MLLT3: variants seen among roughly 807,000 people sequenced by gnomAD.
The protein encoded by MLLT3 is protein AF-9.
MLLT3 carries 4 observed loss-of-function variants against 53.2 expected under a neutral mutation model. The ratio of observed to expected loss-of-function variants is 0.08; its 90% CI spans 0.04 to 0.17. MLLT3 has a LOEUF of 0.17. MLLT3 is among the 10% of genes least tolerant of loss of function. The probability of loss-of-function intolerance (pLI) is 1.00; values close to 1 mark genes in which losing one functional copy is unlikely to be tolerated. For synonymous variants in MLLT3, 283 were observed against 230.6 expected, an observed-to-expected ratio of 1.23 and a Z score of -2.06; for missense variants, 569 against 684.0, an observed-to-expected ratio of 0.83 and a Z score of 1.87.
intron 2 of MLLT3, among the ~76,000 whole-genome samples, chr9:20,539,869 C>T (rs1818581231): frequency 6.6e-6 from 1 of 152,180 alleles, no homozygotes; most frequent in Non-Finnish European, 1.5e-5. Flanking sequence ...CAAGTCCCTT[C>T]CACATAAGGA....
rs550200903 is a variant in MLLT3, at chr9:20,351,411, G to T, written c.1575+2114C>A. ...TTTCCAAATAAATGTGGAACATGTG[G>T]TTTAAAGAGCAATCAAATTATTCAT... On this transcript the variant is annotated intron_variant, in intron 10 of 10. Coordinates refer to ENST00000380338, the MANE Select transcript of MLLT3 (RefSeq NM_004529.4). 1.2e-4 allele frequency among the ~76,000 whole-genome samples: 19 copies of T among 152,296 alleles called. No homozygotes were observed. In the East Asian group the frequency reaches 3.3e-3, roughly 26 times the overall value.
chr9:20,352,775 A>G (rs1563932919), intron 10 of MLLT3, among the ~76,000 whole-genome samples: 1 of 151,406 alleles, frequency 6.6e-6, no homozygotes, highest in African/African-American at 2.4e-5. Context: ...AGTCATTTGA[A>G]AGTAGTAAAA....
intron 5 of MLLT3, among the ~76,000 whole-genome samples, chr9:20,392,200 AT>A (rs921853311): frequency 2.8e-4 from 43 of 152,296 alleles, no homozygotes; most frequent in Admixed American, 2.4e-3. Context: ...AATAAAGATA[AT>A]TACTATGTGT....
In MLLT3 at chr9:20,355,116, A is replaced by AAAAAC. The variant is rs1491008938; in HGVS notation, c.1432-238_1432-237insGTTTT. Among the ~76,000 whole-genome samples the AAAAAC allele has an allele frequency of 5.3e-5, 8 of 151,808 alleles. No homozygotes were observed. The South Asian group carries it at 8.3e-4, about 16-fold the overall frequency. ...GAACTAAAAAAAAAAAAAAAAAAAA[A>AAAAAC]ACAACACAGTTGATGATAAGGAAAT... On this transcript the variant is annotated intron_variant, in intron 8 of 10. Transcript: ENST00000380338.
At chr9:20,502,671 T>C (rs1825276577) in intron 2 of MLLT3, among the ~76,000 whole-genome samples, 1 of 152,192 alleles carries the variant, frequency 6.6e-6, no homozygotes, top group African/African-American at 2.4e-5. Context: ...AGAATGTGCA[T>C]AGGTTATATG....
At chr9:20,566,000 TTATA>T (rs1185292821) in intron 2 of MLLT3, among the ~76,000 whole-genome samples, 1 of 131,514 alleles carries the variant, frequency 7.6e-6, no homozygotes, top group African/African-American at 2.9e-5. Context: ...ATATATTTAT[TTATA>T]TATATATTTT....
intron 2 of MLLT3, among the ~76,000 whole-genome samples, chr9:20,594,164 C>A (rs1208046521): frequency 1.3e-5 from 2 of 152,102 alleles, no homozygotes; most frequent in Non-Finnish European, 2.9e-5. Context: ...TGGTCTCGAA[C>A]TCCTGACCTC....
chr9:20,553,762 T>A (rs1225812181), intron 2 of MLLT3, among the ~76,000 whole-genome samples: 1 of 152,144 alleles, frequency 6.6e-6, no homozygotes, highest in Admixed American at 6.5e-5. Context: ...GGAGCTTGAA[T>A]ATGTAACTAA....
At chr9:20,378,202 T>C (rs576136991) in intron 5 of MLLT3, among the ~76,000 whole-genome samples, 83 of 152,218 alleles carry the variant, frequency 5.5e-4, no homozygotes, top group African/African-American at 1.8e-3. Flanking sequence ...ACATAATATG[T>C]TGGCTTACTA....
intron 4 of MLLT3, among the ~76,000 whole-genome samples, chr9:20,432,145 C>T (rs1218842714): frequency 6.6e-6 from 1 of 152,140 alleles, no homozygotes; most frequent in Non-Finnish European, 1.5e-5. Context: ...TCAGCAGATA[C>T]TTATTTATTA....
chr9:20,447,474 T>A (rs1823733912), intron 4 of MLLT3, among the ~76,000 whole-genome samples: 1 of 152,156 alleles, frequency 6.6e-6, no homozygotes, highest in African/African-American at 2.4e-5. Flanking sequence ...TCAATAGTGT[T>A]TGTACAGCTG....
At chr9:20,604,060 A>C (rs2131200815) in intron 2 of MLLT3, among the ~76,000 whole-genome samples, 1 of 152,232 alleles carries the variant, frequency 6.6e-6, no homozygotes, top group South Asian at 2.1e-4. Context: ...CTCAGGGCAA[A>C]CACACTGATT....
chr9:20,427,690 G>T (rs144473854), intron 4 of MLLT3, among the ~76,000 whole-genome samples: 4 of 151,920 alleles, frequency 2.6e-5, no homozygotes, highest in African/African-American at 4.8e-5. Flanking sequence ...TATAAAGACA[G>T]TAAGAAACAA....
chr9:20,439,718 A>G (rs1166787753), intron 4 of MLLT3, among the ~76,000 whole-genome samples: 2 of 152,160 alleles, frequency 1.3e-5, no homozygotes, highest in Non-Finnish European at 2.9e-5. Context: ...TATGTTTAAA[A>G]TCTATGCGTT....
rs1001742144 is a variant in MLLT3 at position 20,342,834 on chromosome 9, G to A, written c.*3609C>T. 4 of 166,684 alleles carry A rather than the reference G, an allele frequency of 2.4e-5. No homozygotes were observed. Among genetic ancestry groups the A allele is most frequent in the East Asian group, 1.2e-4 (1 of 8,604 alleles). 10.3% of individuals were successfully genotyped at this position (166,684 alleles called of 1,614,324 possible). A position where few individuals can be genotyped will look rare whatever the true frequency, so the allele number is the denominator to read the frequency against. On this transcript the variant is annotated 3_prime_UTR_variant, in exon 11 of 11. Coordinates refer to ENST00000380338, the MANE Select transcript of MLLT3 (RefSeq NM_004529.4). The stretch of plus-strand genomic sequence containing the variant: ...AAGATTACTCTGATAATATATATGT[G>A]TATATATATATATATATGTATATAT...
chr9:20,464,679 T>C (rs926182056), intron 2 of MLLT3, among the ~76,000 whole-genome samples: 3 of 152,084 alleles, frequency 2.0e-5, no homozygotes, highest in African/African-American at 7.2e-5. Flanking sequence ...GGGGAGGGTA[T>C]GTGTTGGCCT....
chr9:20,516,120 C>A (rs1281939169), intron 2 of MLLT3, among the ~76,000 whole-genome samples: 1 of 152,162 alleles, frequency 6.6e-6, no homozygotes, highest in Non-Finnish European at 1.5e-5. Context: ...ACTATGAACA[C>A]CAGCACTGCC....
chr9:20,458,439 C>T (rs182157568), intron 2 of MLLT3, among the ~76,000 whole-genome samples: 2 of 152,258 alleles, frequency 1.3e-5, no homozygotes, highest in Admixed American at 1.3e-4. Flanking sequence ...TCTCTGGGTT[C>T]CTCTTCTAGA....
chr9:20,617,842 A>G (rs1436975202), intron 2 of MLLT3, among the ~76,000 whole-genome samples: 1 of 152,210 alleles, frequency 6.6e-6, no homozygotes, highest in Non-Finnish European at 1.5e-5. Context: ...TTCAAATCCA[A>G]TTAGCTCAAT....
Sources: allele counts gnomAD v4.1 joint callset (sites outside exome capture counted in the v4.1 genomes callset), GRCh38; gene constraint gnomAD v4.1.1; transcripts MANE v1.5; gene names NCBI Gene and HGNC (gene_info 2026-07-23, HGNC 2026-07-21).